BMP1: variants seen among roughly 807,000 people sequenced by gnomAD.
BMP1 encodes the protein bone morphogenetic protein 1, also known as mammalian tolloid protein.
BMP1 carries 63 observed loss-of-function variants against 116.8 expected under a neutral mutation model. That is an observed-to-expected ratio of 0.54 (90% CI 0.44 to 0.67). BMP1 has a LOEUF of 0.67. BMP1 is among the 30% of genes least tolerant of loss of function. The pLI is 0.00. For synonymous variants in BMP1, 536 were observed against 533.4 expected (o/e 1.00, Z -0.07); for missense variants, 1,183 against 1,358.9 (o/e 0.87, Z 2.04).
Position 22,176,217 on chromosome 8 carries a change from A to G in BMP1, c.337A>G (p.Arg113Gly). The stretch of plus-strand genomic sequence containing the variant: ...TCAGAGGGGAGCCTGTGGGAGATGG[A>G]GAGGTAGATCCCGTAGCCGGCGGGC... ...QPQRGACGRWRGRSRSRRAAT... is the reference protein window; with the variant it reads ...QPQRGACGRWGGRSRSRRAAT... The change falls in exon 3 of 20, where the codon AGA becomes GGA. Residue 113 changes from arginine to glycine, a missense_variant. By Grantham distance (125) the Arg-to-Gly change is moderately radical. Transcript: ENST00000306385. The G allele has an allele frequency of 6.2e-7, 1 of 1,614,130 alleles. No individual in the cohort carries two copies. The highest frequency in any genetic ancestry group is 8.5e-7 in the Non-Finnish European group (1 of 1,180,024).
intron 13 of BMP1, chr8:22,196,317 C>T (rs1044161412): frequency 1.4e-5 from 8 of 566,644 alleles, no homozygotes; most frequent in East Asian, 4.5e-5. Flanking sequence ...TCCTGCTGTG[C>T]CCCCGAGCTG....
At chr8:22,184,865 A>G (rs116099636) in intron 8 of BMP1, among the ~76,000 whole-genome samples, 1 of 152,228 alleles carries the variant, frequency 6.6e-6, no homozygotes, top group African/African-American at 2.4e-5. Flanking sequence ...AACCTGAAAT[A>G]ATGCCGCCTG....
At chr8:22,204,683 A>T (rs967456459) in intron 16 of BMP1, among the ~76,000 whole-genome samples, 2 of 152,200 alleles carry the variant, frequency 1.3e-5, no homozygotes, top group African/African-American at 4.8e-5. Context: ...GGATCGCGCC[A>T]CTTCACTCCA....
chr8:22,196,868 G>C, intron 14 of BMP1, 28 bp downstream of exon 14: 1 of 1,596,254 alleles, frequency 6.3e-7, no homozygotes, highest in Non-Finnish European at 8.6e-7. Context: ...GCTGAGGTGG[G>C]GCAGGAAGCT....
rs1388656728 is a variant in BMP1 at position 22,209,545 on chromosome 8, G to T, written c.2676G>T (p.Trp892Cys). ...NNYPGGVDCE[W>C]VIVAEEGYGV... ...ACCCTGGGGGTGTGGACTGTGAGTG[G>T]GTCATTGTGGCCGAGGAAGGCTACG... The change falls in exon 19 of 20, where the codon TGG (tryptophan) becomes TGT (cysteine). Residue 892 changes from tryptophan (W) to cysteine (C), a missense_variant. This residue lies in a region of BMP1 where 956 missense variants were observed against 1,135.2 expected (regional missense o/e 0.84). Coordinates refer to ENST00000306385, the MANE Select transcript of BMP1 (RefSeq NM_006129.5). 1 of 1,614,102 alleles carries T rather than the reference G, an allele frequency of 6.2e-7. No individual in the cohort carries two copies. The highest frequency in any genetic ancestry group is 8.5e-7 in the Non-Finnish European group (1 of 1,180,036).
chr8:22,193,637 A>T (rs1828995668), intron 9 of BMP1, among the ~76,000 whole-genome samples: 1 of 152,194 alleles, frequency 6.6e-6, no homozygotes, highest in South Asian at 2.1e-4. Context: ...TACGAAAATT[A>T]GCTGGGTGTG....
intron 16 of BMP1, among the ~76,000 whole-genome samples, chr8:22,203,775 C>T (rs893689308): frequency 6.6e-6 from 1 of 152,172 alleles, no homozygotes; most frequent in Admixed American, 6.5e-5. Context: ...ACCCTGTGAC[C>T]TCAGGCTTCC....
rs1226996485 is a variant in BMP1 at position 22,209,643 on chromosome 8, T to C, written c.2774T>C (p.Phe925Ser). 1.5e-5 allele frequency: 25 copies of C among 1,613,948 alleles called. No homozygotes were observed. The highest frequency in any genetic ancestry group is 2.0e-5 in the Non-Finnish European group (24 of 1,179,994). The change falls in exon 19 of 20, where the codon TTC (phenylalanine) becomes TCC (serine). Residue 925 changes from phenylalanine to serine, a missense_variant. Coordinates refer to ENST00000306385, the MANE Select transcript of BMP1 (RefSeq NM_006129.5). ...TGCGGCTATGACTACATGGAGCTCT[T>C]CGACGGCTACGACAGCACAGCCCCC... ...TDCGYDYMELFDGYDSTAPRL... is the reference protein window; with the variant it reads ...TDCGYDYMELSDGYDSTAPRL...
rs370852257 is a variant in BMP1 at position 22,201,774 on chromosome 8, A to G, written c.2108-29A>G. On this transcript the variant is annotated intron_variant, in intron 15 of 19. Coordinates refer to ENST00000306385, the MANE Select transcript of BMP1 (RefSeq NM_006129.5). Reference sequence around the variant, plus strand: ...CCCAACCTCAGCCCTGCACAGACCCAGCGTCTGCCCTTATTTGCTCCCCTG... The same window carrying G: ...CCCAACCTCAGCCCTGCACAGACCCGGCGTCTGCCCTTATTTGCTCCCCTG... The G allele has an allele frequency of 1.2e-4, 196 of 1,611,232 alleles. No individual in the cohort carries two copies. In the African/African-American group the frequency reaches 2.3e-3, roughly 19 times the overall value.
chr8:22,211,695 C>G lies in BMP1; in HGVS notation c.2928C>G (p.Thr976=). The G allele has an allele frequency of 6.2e-7, 1 of 1,614,200 alleles. No homozygotes were observed. The highest frequency in any genetic ancestry group is 1.1e-5 in the South Asian group (1 of 91,090). The part of the protein sequence containing the change: ...KKGFHLRYTS[T]KFQDTLHSRK ...GTTTCCACCTGCGATACACCAGCAC[C>G]AAGTTCCAGGACACACTCCACAGCA... The change falls in exon 20 of 20, where the codon ACC becomes ACG. Residue 976 remains threonine, a synonymous_variant. Coordinates refer to ENST00000306385, the MANE Select transcript of BMP1 (RefSeq NM_006129.5).
chr8:22,207,064 T>TGA, intron 17 of BMP1, 83 bp downstream of exon 17: 1 of 1,568,000 alleles, frequency 6.4e-7, no homozygotes, highest in South Asian at 1.2e-5. Context: ...GGCTGCAGGC[T>TGA]GAGCCCAGAG....
rs761259265 is a variant in BMP1 at position 22,207,365 on chromosome 8, C to T, written c.2424C>T (p.Phe808=). 6.2e-6 allele frequency: 10 copies of T among 1,614,194 alleles called. No individual in the cohort carries two copies. The highest frequency in any genetic ancestry group is 2.2e-5 in the East Asian group (1 of 44,878). The change falls in exon 18 of 20, where the codon TTC becomes TTT. Residue 808 remains phenylalanine, a synonymous_variant. Transcript: ENST00000306385. The part of the protein sequence containing the change: ...PECAYDHLEV[F]DGRDAKAPVL... ...GTGCCTACGACCACCTAGAGGTGTT[C>T]GACGGGCGAGACGCCAAGGCCCCCG...
At chr8:22,202,595 C>A (rs1829287299) in intron 16 of BMP1, among the ~76,000 whole-genome samples, 1 of 152,230 alleles carries the variant, frequency 6.6e-6, no homozygotes, top group Non-Finnish European at 1.5e-5. Flanking sequence ...TGCCTGTAAT[C>A]CCAGCACTTT....
intron 5 of BMP1, chr8:22,177,613 T>C: frequency 1.3e-6 from 1 of 756,724 alleles, no homozygotes; most frequent in South Asian, 1.4e-5. Flanking sequence ...GCTCTAGAAA[T>C]GGTGCTTCCT....
At chr8:22,200,091 C>T (rs547722995) in intron 15 of BMP1, among the ~76,000 whole-genome samples, 5 of 152,200 alleles carry the variant, frequency 3.3e-5, no homozygotes, top group Non-Finnish European at 7.3e-5. Flanking sequence ...TCCACTGGAT[C>T]CCTCATCTTC....
chr8:22,201,622 G>T (rs777663242), intron 15 of BMP1, 181 bp from the exon 16 acceptor site: 54 of 1,363,676 alleles, frequency 4.0e-5, no homozygotes, highest in Non-Finnish European at 4.7e-5. Context: ...GCTGGATGCA[G>T]TGCCCCTTTG....
Position 22,198,160 on chromosome 8 carries a change from T to C in BMP1, c.2107+740T>C, listed in dbSNP as rs540698654. ...TGATCTCGTCACTCACTCCAGACCC[T>C]GTTTCTAAAAATTTTTTTAAAAAGG... is the stretch of plus-strand genomic sequence containing the variant. On this transcript the variant is annotated intron_variant, in intron 15 of 19. Coordinates refer to ENST00000306385, the MANE Select transcript of BMP1 (RefSeq NM_006129.5). Among the ~76,000 whole-genome samples the C allele has an allele frequency of 1.8e-3, 270 of 152,290 alleles. 1 individual carries two copies. The highest frequency in any genetic ancestry group is 6.1e-3 in the African/African-American group (252 of 41,560).
In BMP1 at chr8:22,199,306, C is replaced by T. The variant is rs1053231635; in HGVS notation, c.2107+1886C>T. ...CTTTTGGGACACCCACCGAGGAGAC[C>T]CTAAGCCAAGAAGGAGAAGAAAGAG... On this transcript the variant is annotated intron_variant, in intron 15 of 19. Coordinates refer to ENST00000306385, the MANE Select transcript of BMP1 (RefSeq NM_006129.5). 3 of 1,362,626 alleles carry T rather than the reference C, an allele frequency of 2.2e-6. No individual in the cohort carries two copies. The African/African-American group carries it at 4.5e-5, about 20-fold the overall frequency. The allele number at this position is 1,362,626 out of a possible 1,614,324, so 84.4% of individuals were successfully genotyped here.
At chr8:22,177,347 T>C (rs1417573331) in intron 5 of BMP1, among the ~76,000 whole-genome samples, 1 of 152,170 alleles carries the variant, frequency 6.6e-6, no homozygotes, top group Non-Finnish European at 1.5e-5. Context: ...ATTGTGGAGC[T>C]CCTCTGGGAG....
Sources: gnomAD v4.1 joint callset for allele counts (sites outside exome capture counted in the v4.1 genomes callset) on GRCh38, gnomAD v4.1.1 for gene constraint, gnomAD v4.1.1 regional missense constraint, MANE v1.5 for transcripts, NCBI Gene and HGNC (gene_info 2026-07-23, HGNC 2026-07-21) for gene names.